PHACTR3: variants seen among roughly 807,000 people sequenced by gnomAD.
PHACTR3 encodes the protein protein phosphatase 1, regulatory subunit 123.
In PHACTR3, 16 loss-of-function variants were observed where a neutral mutation model predicts 66.8. The ratio of observed to expected loss-of-function variants is 0.24; its 90% CI spans 0.16 to 0.36. PHACTR3 has a LOEUF of 0.36. Among genes scored for constraint, PHACTR3 ranks in the 10% least tolerant of loss-of-function variants. The pLI is 1.00. For missense variants in PHACTR3, 647 were observed against 719.9 expected (o/e 0.90, Z 1.16); for synonymous variants, 323 against 292.1 (o/e 1.11, Z -1.08).
intron 1 of PHACTR3, among the ~76,000 whole-genome samples, chr20:59,732,562 A>C (rs1282214701): frequency 6.6e-6 from 1 of 152,094 alleles, no homozygotes; most frequent in African/African-American, 2.4e-5. Flanking sequence ...CACCTCCACT[A>C]ACCAGTAAAG....
chr20:59,608,281 C>T (rs1316636710), intron 1 of PHACTR3, among the ~76,000 whole-genome samples: 4 of 152,022 alleles, frequency 2.6e-5, no homozygotes, highest in Non-Finnish European at 4.4e-5. Flanking sequence ...GAAATATTTC[C>T]CCTAGGCCTG....
intron 1 of PHACTR3, among the ~76,000 whole-genome samples, chr20:59,723,870 G>T (rs183059255): frequency 6.6e-6 from 1 of 152,176 alleles, no homozygotes; most frequent in African/African-American, 2.4e-5. Context: ...ATGGCGACTA[G>T]GTCTTTGTGG....
intron 1 of PHACTR3, among the ~76,000 whole-genome samples, chr20:59,616,918 C>T (rs780117218): frequency 7.9e-5 from 12 of 152,064 alleles, no homozygotes; most frequent in Non-Finnish European, 1.5e-4. Context: ...AAGCTCAGAG[C>T]GTTGCCTGCA....
At chr20:59,651,591 A>G (rs927093761) in intron 1 of PHACTR3, among the ~76,000 whole-genome samples, 1 of 152,230 alleles carries the variant, frequency 6.6e-6, no homozygotes, top group African/African-American at 2.4e-5. Flanking sequence ...AAAATAGCAC[A>G]CAGGCAATGG....
intron 1 of PHACTR3, among the ~76,000 whole-genome samples, chr20:59,716,838 C>T (rs1252426614): frequency 1.3e-5 from 2 of 152,202 alleles, no homozygotes; most frequent in Non-Finnish European, 2.9e-5. Context: ...ACAGTAGGTG[C>T]TCAATAAATG....
intron 1 of PHACTR3, among the ~76,000 whole-genome samples, chr20:59,732,918 A>G (rs528824336): frequency 2.0e-5 from 3 of 152,250 alleles, no homozygotes; most frequent in Admixed American, 2.0e-4. Flanking sequence ...ATACTGGAAA[A>G]GTCAGCAGTT....
rs144296287 is a variant in PHACTR3, at chr20:59,650,399, A to C, written c.118+45267A>C. ...TGTTCTCGTTGGGGGGAGGGCGTTA[A>C]TTTTAAAAAGTCAAGTGAAAGTAAA... On this transcript the variant is annotated intron_variant, in intron 1 of 12. Transcript: ENST00000371015. Among the ~76,000 whole-genome samples, 417 of 152,246 alleles carry C rather than the reference A, an allele frequency of 2.7e-3. 1 individual carries two copies. The highest frequency in any genetic ancestry group is 7.1e-3 in the South Asian group (34 of 4,820).
chr20:59,632,472 C>T (rs1474719060), intron 1 of PHACTR3, among the ~76,000 whole-genome samples: 1 of 152,182 alleles, frequency 6.6e-6, no homozygotes, highest in Non-Finnish European at 1.5e-5. Flanking sequence ...AGCTGGTCGG[C>T]TGTGGGCTTG....
chr20:59,586,244 G>A (rs2033024803), intron 1 of PHACTR3, among the ~76,000 whole-genome samples: 1 of 152,144 alleles, frequency 6.6e-6, no homozygotes, highest in Non-Finnish European at 1.5e-5. Context: ...CTCCCCCAGA[G>A]GGCAAACACT....
chr20:59,666,632 AAGAG>A (rs967877661), intron 1 of PHACTR3, among the ~76,000 whole-genome samples: 5 of 151,758 alleles, frequency 3.3e-5, no homozygotes, highest in Admixed American at 6.6e-5. Flanking sequence ...CAGAGGAAGA[AAGAG>A]AGAGAGAGAC....
In PHACTR3 at chr20:59,780,166, G is replaced by C. The variant is rs114552428; in HGVS notation, c.1174+5676G>C. The stretch of plus-strand genomic sequence containing the variant: ...AAGCTGACTTCTCCAGAGCCCCCCA[G>C]CTGCCTGTGCTGCTGCTCCTCCTGC... On this transcript the variant is annotated intron_variant, in intron 7 of 12. Transcript: ENST00000371015. Among the ~76,000 whole-genome samples the C allele has an allele frequency of 7.1e-3, 1,079 of 152,244 alleles. 16 individuals are homozygous for C. The highest frequency in any genetic ancestry group is 0.025 in the African/African-American group (1,044 of 41,546).
At chr20:59,832,664 G>A (rs568312787) in intron 8 of PHACTR3, among the ~76,000 whole-genome samples, 40 of 152,238 alleles carry the variant, frequency 2.6e-4, no homozygotes, top group African/African-American at 8.9e-4. Flanking sequence ...CCGCTCTGGG[G>A]TTCCAGGAGT....
chr20:59,726,411 C>T (rs1601199645), intron 1 of PHACTR3, among the ~76,000 whole-genome samples: 1 of 152,278 alleles, frequency 6.6e-6, no homozygotes, highest in South Asian at 2.1e-4. Context: ...GGAATCACTG[C>T]ACCACTTATT....
chr20:59,774,438 C>T lies in PHACTR3; in HGVS notation c.1122C>T (p.Asp374=), dbSNP rs748954696. The T allele has an allele frequency of 1.0e-4, 163 of 1,613,884 alleles. No homozygotes were observed. The highest frequency in any genetic ancestry group is 1.3e-4 in the Non-Finnish European group (155 of 1,179,936). The part of the protein sequence containing the change: ...ENLIINSELK[D]DLLLYQDEEA... Reference sequence around the variant, plus strand: ...TGATCATAAATTCTGAACTCAAAGACGACTTGCTTTTGTATCAGGACGAGG... The same window carrying T: ...TGATCATAAATTCTGAACTCAAAGATGACTTGCTTTTGTATCAGGACGAGG... Residue 374 remains aspartate, a synonymous_variant, in exon 7 of 13, where the codon GAC becomes GAT. Coordinates refer to ENST00000371015, the MANE Select transcript of PHACTR3 (RefSeq NM_080672.5).
At chr20:59,638,246 T>C (rs1351268366) in intron 1 of PHACTR3, among the ~76,000 whole-genome samples, 3 of 152,316 alleles carry the variant, frequency 2.0e-5, no homozygotes, top group African/African-American at 7.2e-5. Flanking sequence ...GTAGCTATGT[T>C]AGATGGATGG....
At chr20:59,621,127 C>T (rs879698235) in intron 1 of PHACTR3, among the ~76,000 whole-genome samples, 8 of 152,222 alleles carry the variant, frequency 5.3e-5, no homozygotes, top group Non-Finnish European at 8.8e-5. Context: ...ACGCTCCAGG[C>T]CCCCAGGGCC....
chr20:59,689,541 C>T (rs1404586007), intron 1 of PHACTR3, among the ~76,000 whole-genome samples: 1 of 152,176 alleles, frequency 6.6e-6, no homozygotes, highest in East Asian at 1.9e-4. Context: ...CTGTCCCCTC[C>T]CATCTGATTG....
At chr20:59,765,499 GTTCTCCAGGCATT>G (rs891126226) in intron 4 of PHACTR3, among the ~76,000 whole-genome samples, 21 of 152,288 alleles carry the variant, frequency 1.4e-4, no homozygotes, top group Non-Finnish European at 2.5e-4. Flanking sequence ...CAGAGATTTT[GTTCTCCAGGCATT>G]AGGAGGGCTG....
intron 1 of PHACTR3, among the ~76,000 whole-genome samples, chr20:59,741,059 C>T (rs888682420): frequency 1.1e-4 from 17 of 152,236 alleles, no homozygotes; most frequent in African/African-American, 2.9e-4. Flanking sequence ...CCCTTCCCCT[C>T]GAACACTGGT....
Sources: gnomAD v4.1 joint callset for allele counts (sites outside exome capture counted in the v4.1 genomes callset) on GRCh38, gnomAD v4.1.1 for gene constraint, MANE v1.5 for transcripts, NCBI Gene and HGNC (gene_info 2026-07-23, HGNC 2026-07-21) for gene names.